The following COL3A1 variants were observed in gnomAD, a reference collection of about 807,000 sequenced individuals.
The protein encoded by COL3A1 is collagen alpha-1(III) chain.
COL3A1 carries 46 observed loss-of-function variants against 200.9 expected under a neutral mutation model. The observed-to-expected ratio is 0.23, with a 90% CI of 0.18 to 0.29. The LOEUF is 0.29. Among genes scored for constraint, COL3A1 ranks in the 10% least tolerant of loss-of-function variants. COL3A1 has a pLI of 1.00. For missense variants in COL3A1, 1,367 were observed against 1,917.6 expected, an observed-to-expected ratio of 0.71 and a Z score of 5.36; for synonymous variants, 650 against 628.0, an observed-to-expected ratio of 1.03 and a Z score of -0.52.
intron 1 of COL3A1, among the ~76,000 whole-genome samples, chr2:188,978,617 G>A (rs1017767573): frequency 3.3e-5 from 5 of 151,896 alleles, no homozygotes; most frequent in African/African-American, 1.2e-4. Flanking sequence ...AAAGATGAAA[G>A]ATGTTATTGC....
chr2:189,008,615 A>G lies in COL3A1; in HGVS notation c.3526-309A>G, dbSNP rs149145998. 19 of 482,260 alleles carry G rather than the reference A, an allele frequency of 3.9e-5. No individual in the cohort carries two copies. In the East Asian group the frequency reaches 3.9e-4, roughly 10 times the overall value. The allele number at this position is 482,260 out of a possible 1,614,324, so 29.9% of individuals were successfully genotyped here. A position where few individuals can be genotyped will look rare whatever the true frequency, so the allele number is the denominator to read the frequency against. ...AATTACACTCCCCTCTGTCATGTCA[A>G]TATTGGAATTGTAGCTCACAGGTGT... On this transcript the variant is annotated intron_variant, in intron 47 of 50. Transcript: ENST00000304636.
chr2:188,989,163 G>T (rs1028231444), intron 7 of COL3A1, among the ~76,000 whole-genome samples: 1 of 151,116 alleles, frequency 6.6e-6, no homozygotes, highest in Admixed American at 6.6e-5. Context: ...GTGTAGAAAT[G>T]CATTTGGATT....
intron 50 of COL3A1, 67 bp downstream of exon 50, chr2:189,010,957 T>A: frequency 6.3e-7 from 1 of 1,582,914 alleles, no homozygotes; most frequent in Non-Finnish European, 8.7e-7. Flanking sequence ...ATGCAAATTA[T>A]TTTGAATAGA....
In COL3A1 at chr2:189,011,669, A is replaced by G. The variant is rs1688729685; in HGVS notation, c.4296A>G (p.Arg1432=). 6.2e-7 allele frequency: 1 copy of G among 1,614,068 alleles called. No individual in the cohort carries two copies. Among genetic ancestry groups the G allele is most frequent in the African/African-American group, 1.3e-5 (1 of 75,056 alleles). The part of the protein sequence containing the change: ...GEWSKTVFEY[R]TRKAVRLPIV... ...GGAGCAAAACAGTCTTTGAATATCG[A>G]ACACGCAAGGCTGTGAGACTACCTA... The change falls in exon 51 of 51, where the codon CGA becomes CGG. Residue 1432 remains arginine (R), a synonymous_variant. Coordinates refer to ENST00000304636, the MANE Select transcript of COL3A1 (RefSeq NM_000090.4).
chr2:188,991,928 G>T (rs73981455), intron 13 of COL3A1, among the ~76,000 whole-genome samples: 1 of 152,098 alleles, frequency 6.6e-6, no homozygotes, highest in African/African-American at 2.4e-5. Context: ...GAATTTTTGT[G>T]TTAACTTTTC....
In COL3A1 at chr2:188,985,704, A is replaced by G. The variant is rs770571989; in HGVS notation, c.373A>G (p.Ile125Val). 1 of 1,611,190 alleles carries G rather than the reference A, an allele frequency of 6.2e-7. No individual in the cohort carries two copies. The highest frequency in any genetic ancestry group is 8.5e-7 in the Non-Finnish European group (1 of 1,178,802). Residue 125 changes from isoleucine to valine, a missense_variant, in exon 4 of 51, where the codon ATT (isoleucine) becomes GTT (valine). This residue lies in a region of COL3A1 where 462 missense variants were observed against 681.4 expected (regional missense o/e 0.68). Coordinates refer to ENST00000304636, the MANE Select transcript of COL3A1 (RefSeq NM_000090.4). ...TCCTGGGAGAAATGGTGACCCTGGT[A>G]TTCCAGGACAACCAGGGTCCCCTGG... is the stretch of plus-strand genomic sequence containing the variant. ...GIPGRNGDPG[I>V]PGQPGSPGSP... is the part of the protein sequence containing the mutation.
chr2:188,985,860 C>T (rs1356690521), intron 4 of COL3A1, 82 bp downstream of exon 4: 16 of 906,188 alleles, frequency 1.8e-5, no homozygotes, highest in Non-Finnish European at 2.7e-5. Context: ...TTACGTCTCA[C>T]TATTATGAGT....
At position 188,974,546 on chromosome 2, in the gene COL3A1, T is replaced by C; in HGVS notation, c.57T>C (p.Thr19=). The C allele has an allele frequency of 6.2e-7, 1 of 1,614,074 alleles. No individual in the cohort carries two copies. The highest frequency in any genetic ancestry group is 1.3e-5 in the African/African-American group (1 of 75,048). ...TACTTCTCGCTCTGCTTCATCCCAC[T>C]ATTATTTTGGCACAACAGGAAGGTG... ...SWLLLALLHP[T]IILAQQEAVE... The change falls in exon 1 of 51, where the codon ACT becomes ACC. Residue 19 remains threonine, a synonymous_variant. Coordinates refer to ENST00000304636, the MANE Select transcript of COL3A1 (RefSeq NM_000090.4).
rs1320795647 is a variant in COL3A1 at position 188,994,406 on chromosome 2, A to G, written c.1293+74A>G. ...CCATCAACAAAAAATTAATAGCAAA[A>G]TTTTGCTCCTGTTCAGTTGAATTTA... On this transcript the variant is annotated intron_variant, in intron 18 of 50. Coordinates refer to ENST00000304636, the MANE Select transcript of COL3A1 (RefSeq NM_000090.4). This position sits in a 1 kb window ranked among gnomAD's most constrained non-coding sequence, Gnocchi z 4.5. 6.3e-7 allele frequency: 1 copy of G among 1,595,782 alleles called. No homozygotes were observed. The highest frequency in any genetic ancestry group is 8.6e-7 in the Non-Finnish European group (1 of 1,164,878).
intron 44 of COL3A1, 137 bp downstream of exon 44, chr2:189,007,127 A>ATG (rs1385069191): frequency 2.2e-5 from 3 of 136,066 alleles, no homozygotes; most frequent in African/African-American, 1.2e-4. Flanking sequence ...ATATATATAT[A>ATG]TATATATATA....
In COL3A1 at chr2:188,998,328, C is replaced by T. The variant is rs184223621; in HGVS notation, c.1977+9C>T. ...GAAAACCTGGGGAACCAGTAAGTTA[C>T]GTTTCATTATTCAAAACTCAGAAAC... On this transcript the variant is annotated intron_variant, in intron 28 of 50. Transcript: ENST00000304636. 1.7e-4 allele frequency: 282 copies of T among 1,612,000 alleles called. No homozygotes were observed. In the East Asian group the frequency reaches 3.5e-3, roughly 20 times the overall value.
rs1688395710 is a variant in COL3A1 at position 188,999,216 on chromosome 2, T to A, written c.2023-69T>A. ...AACCTAGTGGCCTGATTCAAAATGA[T>A]GCAAGTTAAGGTGCTTTGTTTTTAG... On this transcript the variant is annotated intron_variant, in intron 29 of 50. Transcript: ENST00000304636. 3.6e-6 allele frequency: 5 copies of A among 1,390,146 alleles called. No homozygotes were observed. The Admixed American group carries it at 9.8e-5, about 27-fold the overall frequency. The allele number at this position is 1,390,146 out of a possible 1,614,324, so 86.1% of individuals were successfully genotyped here.
chr2:188,982,594 G>A (rs939654015), intron 1 of COL3A1, among the ~76,000 whole-genome samples: 24 of 151,672 alleles, frequency 1.6e-4, no homozygotes, highest in South Asian at 2.1e-4. Flanking sequence ...CATAATCCAC[G>A]TGCTGTATTA....
chr2:189,000,226 T>G (rs759186280), intron 32 of COL3A1, among the ~76,000 whole-genome samples: 6 of 152,186 alleles, frequency 3.9e-5, no homozygotes, highest in Non-Finnish European at 7.4e-5. Context: ...AAATTCAATA[T>G]AGTAAGTACT....
intron 50 of COL3A1, 122 bp from the exon 51 acceptor site, chr2:189,011,506 G>A (rs185672928): frequency 1.8e-6 from 2 of 1,115,698 alleles, no homozygotes; most frequent in Middle Eastern, 2.6e-4. Flanking sequence ...TCATATACAT[G>A]AATAATAACA....
At chr2:188,978,756 C>CA (rs55694521) in intron 1 of COL3A1, among the ~76,000 whole-genome samples, 3,647 of 87,728 alleles carry the variant, frequency 0.042, 92 homozygotes, top group African/African-American at 0.09. Flanking sequence ...TTTCCACACT[C>CA]AAAAAAAAAA....
rs572167766 is a variant in COL3A1, at chr2:188,989,152, C to T, written c.637-244C>T. 3.3e-5 allele frequency among the ~76,000 whole-genome samples: 5 copies of T among 150,800 alleles called. No homozygotes were observed. In the South Asian group the frequency reaches 6.2e-4, roughly 19 times the overall value. On this transcript the variant is annotated intron_variant, in intron 7 of 50. Coordinates refer to ENST00000304636, the MANE Select transcript of COL3A1 (RefSeq NM_000090.4). The stretch of plus-strand genomic sequence containing the variant: ...TTTAGATATATTTAATATTCCTAAA[C>T]GTGTAGAAATGCATTTGGATTTATA...
In COL3A1 at chr2:189,006,108, C is replaced by A. The variant is rs541086901; in HGVS notation, c.3040-98C>A. 2.0e-5 allele frequency: 26 copies of A among 1,285,734 alleles called. No individual in the cohort carries two copies. In the African/African-American group the frequency reaches 3.4e-4, roughly 17 times the overall value. The allele number at this position is 1,285,734 out of a possible 1,614,324, so 79.6% of individuals were successfully genotyped here. A position where few individuals can be genotyped will look rare whatever the true frequency, so the allele number is the denominator to read the frequency against. On this transcript the variant is annotated intron_variant, in intron 41 of 50. Coordinates refer to ENST00000304636, the MANE Select transcript of COL3A1 (RefSeq NM_000090.4). ...TCTTACCCCCAAGAACCAATTTTAA[C>A]CCCCTTGAGAATTATATTGCCCTGC...
intron 15 of COL3A1, among the ~76,000 whole-genome samples, 174 bp downstream of exon 15, chr2:188,993,114 T>C (rs1194531480): frequency 6.6e-6 from 1 of 152,192 alleles, no homozygotes; most frequent in African/African-American, 2.4e-5. Context: ...AGTATTCAAC[T>C]ATCTTGATAT....
Sources: allele counts gnomAD v4.1 joint callset (sites outside exome capture counted in the v4.1 genomes callset), GRCh38; gene constraint gnomAD v4.1.1; regional missense constraint gnomAD v4.1.1; non-coding constraint Gnocchi (gnomAD v3.1); transcripts MANE v1.5; gene names NCBI Gene and HGNC (gene_info 2026-07-23, HGNC 2026-07-21).